ABTB2: variants seen among roughly 807,000 people sequenced by gnomAD.
ABTB2 encodes ankyrin repeat and BTB/POZ domain-containing protein 2.
In ABTB2, 56 loss-of-function variants were observed where a neutral mutation model predicts 104.1. The ratio of observed to expected loss-of-function variants is 0.54; its 90% CI spans 0.43 to 0.67. The LOEUF (loss-of-function observed/expected upper bound fraction) is 0.67, where lower values mean the gene tolerates loss of function less well. Among genes scored for constraint, ABTB2 ranks in the 30% least tolerant of loss-of-function variants. ABTB2 has a pLI of 0.00. For synonymous variants in ABTB2, 606 were observed against 608.2 expected, an observed-to-expected ratio of 1.00 and a Z score of 0.05; for missense variants, 1,279 against 1,407.7, an observed-to-expected ratio of 0.91 and a Z score of 1.46.
intron 1 of ABTB2, among the ~76,000 whole-genome samples, chr11:34,263,597 G>A (rs963948690): frequency 1.3e-5 from 2 of 152,144 alleles, no homozygotes; most frequent in African/African-American, 2.4e-5. Flanking sequence ...CTCTCCTGCA[G>A]GTGGCTGACT....
At chr11:34,180,306 G>A (rs1853011213) in intron 3 of ABTB2, among the ~76,000 whole-genome samples, 1 of 152,330 alleles carries the variant, frequency 6.6e-6, no homozygotes, top group African/African-American at 2.4e-5. Flanking sequence ...CCTTGGCAGT[G>A]AAAAAACTCA....
intron 1 of ABTB2, among the ~76,000 whole-genome samples, chr11:34,291,312 AG>A (rs1854563221): frequency 6.6e-6 from 1 of 152,186 alleles, no homozygotes; most frequent in Non-Finnish European, 1.5e-5. Flanking sequence ...ACTGGGATGA[AG>A]GGGTCTGTAA....
At chr11:34,183,843 C>T (rs960875247) in intron 3 of ABTB2, among the ~76,000 whole-genome samples, 1 of 152,160 alleles carries the variant, frequency 6.6e-6, no homozygotes, top group Admixed American at 6.5e-5. Context: ...CAAAGTCCTC[C>T]AGCTGCTACC....
intron 1 of ABTB2, among the ~76,000 whole-genome samples, chr11:34,336,381 G>A (rs576825458): frequency 7.7e-4 from 117 of 152,244 alleles, no homozygotes; most frequent in African/African-American, 2.7e-3. Flanking sequence ...AAAGCAGCCA[G>A]GCCAGGCACA....
In ABTB2 at chr11:34,181,758, G is replaced by C. The variant is rs111765912; in HGVS notation, c.1245-8451C>G. Among the ~76,000 whole-genome samples, 236 of 152,266 alleles carry C rather than the reference G, an allele frequency of 1.5e-3. 1 individual carries two copies. The highest frequency in any genetic ancestry group is 2.7e-3 in the Non-Finnish European group (182 of 67,996). On this transcript the variant is annotated intron_variant, in intron 3 of 16. Coordinates refer to ENST00000435224, the MANE Select transcript of ABTB2 (RefSeq NM_145804.3). ...CTTCCAAGAGAGCTCCCCATCACCC[G>C]CTAAGCTGTGGCCTGCCCCACCTGC...
chr11:34,291,759 G>A (rs1412345272), intron 1 of ABTB2, among the ~76,000 whole-genome samples: 1 of 152,144 alleles, frequency 6.6e-6, no homozygotes, highest in African/African-American at 2.4e-5. Context: ...GCCTCCCAAA[G>A]TGTTGGGATT....
At chr11:34,315,420 G>A (rs1854914105) in intron 1 of ABTB2, among the ~76,000 whole-genome samples, 1 of 152,192 alleles carries the variant, frequency 6.6e-6, no homozygotes, top group African/African-American at 2.4e-5. Flanking sequence ...GCTTTCCGAG[G>A]TTTAGAAGCC....
rs564794706 is a variant in ABTB2 at position 34,154,441 on chromosome 11, G to A, written c.2767-63C>T. On this transcript the variant is annotated intron_variant, in intron 15 of 16. Coordinates refer to ENST00000435224, the MANE Select transcript of ABTB2 (RefSeq NM_145804.3). The surrounding 1 kb of genome is among the most constrained non-coding windows in gnomAD (Gnocchi z 4.9). ...CCAGACCAGTGGCCCAGACAGCACC[G>A]AACAGAAAGCTCCCGAGTGCCGTGT... 28 of 1,241,540 alleles carry A rather than the reference G, an allele frequency of 2.3e-5. No homozygotes were observed. In the East Asian group the frequency reaches 4.0e-4, roughly 18 times the overall value. 76.9% of individuals were successfully genotyped at this position (1,241,540 alleles called of 1,614,324 possible). A position where few individuals can be genotyped will look rare whatever the true frequency, so the allele number is the denominator to read the frequency against.
rs1023075755 is a variant in ABTB2, at chr11:34,232,807, C to T, written c.884-28117G>A. Among the ~76,000 whole-genome samples the T allele has an allele frequency of 4.6e-5, 7 of 151,770 alleles. No homozygotes were observed. The South Asian group carries it at 6.2e-4, about 14-fold the overall frequency. On this transcript the variant is annotated intron_variant, in intron 1 of 16. Coordinates refer to ENST00000435224, the MANE Select transcript of ABTB2 (RefSeq NM_145804.3). ...GGACTCTGTCTCTTAAAAAAAAATACATAATAATAAATAAAATTAGCCAGG... is the reference window on the plus strand; with the variant it reads ...GGACTCTGTCTCTTAAAAAAAAATATATAATAATAAATAAAATTAGCCAGG...
In ABTB2 at chr11:34,252,249, C is replaced by T. The variant is rs898089852; in HGVS notation, c.884-47559G>A. ...GGGAAAGCCGTGGCAGGAGTGACAG[C>T]GAGGAGGCCAGATGCACGAGCCTCT... On this transcript the variant is annotated intron_variant, in intron 1 of 16. Coordinates refer to ENST00000435224, the MANE Select transcript of ABTB2 (RefSeq NM_145804.3). This position sits in a 1 kb window ranked among gnomAD's most constrained non-coding sequence, Gnocchi z 5.5. 2.6e-5 allele frequency among the ~76,000 whole-genome samples: 4 copies of T among 152,192 alleles called. No homozygotes were observed. The highest frequency in any genetic ancestry group is 1.3e-4 in the Admixed American group (2 of 15,282).
At chr11:34,209,874 G>A (rs1241501280) in intron 1 of ABTB2, among the ~76,000 whole-genome samples, 10 of 147,574 alleles carry the variant, frequency 6.8e-5, no homozygotes, top group African/African-American at 2.3e-4. Flanking sequence ...TGGGGGTGAG[G>A]GGTAGTGGTA....
At chr11:34,179,080 C>CAAAAAAAAAA (rs111676312) in intron 3 of ABTB2, among the ~76,000 whole-genome samples, 1 of 98,692 alleles carries the variant, frequency 1.0e-5, no homozygotes, top group Non-Finnish European at 1.9e-5. Flanking sequence ...AACTCCAACT[C>CAAAAAAAAAA]AAAAAAAAAA....
intron 1 of ABTB2, among the ~76,000 whole-genome samples, chr11:34,207,091 C>T (rs1046776439): frequency 6.6e-6 from 1 of 152,168 alleles, no homozygotes; most frequent in African/African-American, 2.4e-5. Context: ...AAGAGCTGGC[C>T]GTAAGCTTTA....
At chr11:34,186,298 G>T (rs757541559) in intron 3 of ABTB2, among the ~76,000 whole-genome samples, 4 of 152,190 alleles carry the variant, frequency 2.6e-5, no homozygotes, top group Non-Finnish European at 5.9e-5. Flanking sequence ...CTGTCAGGGC[G>T]GCTGGTCTTG....
chr11:34,181,440 A>C (rs773733454), intron 3 of ABTB2, among the ~76,000 whole-genome samples: 1 of 152,190 alleles, frequency 6.6e-6, no homozygotes, highest in Non-Finnish European at 1.5e-5. Flanking sequence ...GATGGGGCAC[A>C]GGCCTGTAAC....
intron 4 of ABTB2, among the ~76,000 whole-genome samples, chr11:34,171,708 T>G (rs1451702014): frequency 2.0e-5 from 3 of 152,124 alleles, no homozygotes; most frequent in African/African-American, 4.8e-5. Context: ...CCACCCAGAC[T>G]CATGCCTCAG....
At position 34,269,390 on chromosome 11, in the gene ABTB2, C is replaced by T. The variant is rs576638741; in HGVS notation, c.884-64700G>A. On this transcript the variant is annotated intron_variant, in intron 1 of 16. Coordinates refer to ENST00000435224, the MANE Select transcript of ABTB2 (RefSeq NM_145804.3). ...ATTCCTTGCTTGGGCCACCCATTTG[C>T]AGTAGCACCTACTTCTGGGTGGCAG... Among the ~76,000 whole-genome samples, 5 of 152,270 alleles carry T rather than the reference C, an allele frequency of 3.3e-5. No homozygotes were observed. In the South Asian group the frequency reaches 1.0e-3, roughly 32 times the overall value.
chr11:34,210,850 G>A (rs1853472414), intron 1 of ABTB2, among the ~76,000 whole-genome samples: 1 of 152,234 alleles, frequency 6.6e-6, no homozygotes, highest in South Asian at 2.1e-4. Context: ...CGGGAAGCTT[G>A]GGTGGGGTGC....
At chr11:34,333,423 AAAAC>A (rs991760229) in intron 1 of ABTB2, among the ~76,000 whole-genome samples, 24 of 152,328 alleles carry the variant, frequency 1.6e-4, no homozygotes, top group East Asian at 7.7e-4. Flanking sequence ...ATAAATAAGA[AAAAC>A]AAACAAACAA....
Sources: gnomAD v4.1 joint callset for allele counts (sites outside exome capture counted in the v4.1 genomes callset) on GRCh38, gnomAD v4.1.1 for gene constraint, Gnocchi (gnomAD v3.1) non-coding constraint, MANE v1.5 for transcripts, NCBI Gene and HGNC (gene_info 2026-07-23, HGNC 2026-07-21) for gene names.